GXYLT2: variants seen among roughly 807,000 people sequenced by gnomAD.
GXYLT2 encodes the protein glycosyltransferase 8 domain containing 4.
A neutral mutation model predicts 45.8 loss-of-function variants in GXYLT2; 53 were observed. The observed-to-expected ratio is 1.16, with a 90% CI of 0.93 to 1.46. The LOEUF (loss-of-function observed/expected upper bound fraction) is 1.46, where lower values mean the gene tolerates loss of function less well. Among genes scored for constraint, GXYLT2 ranks in the 40% most tolerant of loss-of-function variants. The pLI, the probability that GXYLT2 is intolerant of heterozygous loss-of-function variation, is 0.00. For missense variants in GXYLT2, 551 were observed against 544.4 expected, an observed-to-expected ratio of 1.01 and a Z score of -0.12; for synonymous variants, 219 against 214.2, an observed-to-expected ratio of 1.02 and a Z score of -0.19.
Position 72,955,326 on chromosome 3 carries a change from C to A in GXYLT2, c.829C>A (p.Arg277=). The change falls in exon 4 of 7, where the codon CGG becomes AGG. Residue 277 remains arginine, a synonymous_variant. Transcript: ENST00000389617. ...AGGAGTCATGTTAATGAATTTAACT[C>A]GGATAAGAAGTACCCAGTTCAAGGT... is the stretch of plus-strand genomic sequence containing the variant. ...NSGVMLMNLT[R]IRSTQFKNSM... is the part of the protein sequence containing the mutation. 1 of 1,613,766 alleles carries A rather than the reference C, an allele frequency of 6.2e-7. No homozygotes were observed. The highest frequency in any genetic ancestry group is 8.5e-7 in the Non-Finnish European group (1 of 1,179,804).
At chr3:72,896,184 G>A (rs971108023) in intron 1 of GXYLT2, among the ~76,000 whole-genome samples, 1 of 152,228 alleles carries the variant, frequency 6.6e-6, no homozygotes, top group Non-Finnish European at 1.5e-5. Flanking sequence ...GGCTTTCTCA[G>A]AAATAAGCTC....
intron 3 of GXYLT2, among the ~76,000 whole-genome samples, chr3:72,946,131 G>C (rs1270536720): frequency 6.6e-6 from 1 of 151,840 alleles, no homozygotes; most frequent in Non-Finnish European, 1.5e-5. Context: ...TTAAAAATTA[G>C]CTAGGCCTGA....
chr3:72,946,833 A>AT (rs1710421230), intron 3 of GXYLT2, among the ~76,000 whole-genome samples: 1 of 151,894 alleles, frequency 6.6e-6, no homozygotes, highest in African/African-American at 2.4e-5. Flanking sequence ...TTTTGTTTTT[A>AT]TTTGTTTAAG....
chr3:72,967,629 T>C lies in GXYLT2; in HGVS notation c.1059T>C (p.His353=). 1 of 1,613,960 alleles carries C rather than the reference T, an allele frequency of 6.2e-7. No homozygotes were observed. Among genetic ancestry groups the C allele is most frequent in the Non-Finnish European group, 8.5e-7 (1 of 1,179,852 alleles). The change falls in exon 6 of 7, where the codon CAT becomes CAC. Residue 353 remains histidine, a synonymous_variant. Coordinates refer to ENST00000389617, the MANE Select transcript of GXYLT2 (RefSeq NM_001080393.2). ...GAAGCAACTGCAGAGAGGCTGAGCATGAAGGTGTGTCTGTTCTGCATGGAA... is the reference window on the plus strand; with the variant it reads ...GAAGCAACTGCAGAGAGGCTGAGCACGAAGGTGTGTCTGTTCTGCATGGAA... ...MYGSNCREAE[H]EGVSVLHGNR...
chr3:72,895,006 T>C (rs1188142072), intron 1 of GXYLT2, among the ~76,000 whole-genome samples: 1 of 152,154 alleles, frequency 6.6e-6, no homozygotes, highest in Non-Finnish European at 1.5e-5. Flanking sequence ...TTCTTCAGCC[T>C]CTTGAACCTG....
At chr3:72,921,166 A>G (rs1438975696) in intron 2 of GXYLT2, among the ~76,000 whole-genome samples, 3 of 150,244 alleles carry the variant, frequency 2.0e-5, no homozygotes, top group East Asian at 1.9e-4. Context: ...TCATTCAGAC[A>G]GTAGTGAAGA....
chr3:72,939,684 C>CT (rs34955124), intron 3 of GXYLT2, among the ~76,000 whole-genome samples: 83,301 of 139,176 alleles, frequency 0.6, 24,728 homozygotes, highest in Admixed American at 0.65. Context: ...CTTTTCTTTC[C>CT]TTTTTTTTTT....
At chr3:72,906,006 T>C (rs895602155) in intron 1 of GXYLT2, among the ~76,000 whole-genome samples, 1 of 152,242 alleles carries the variant, frequency 6.6e-6, no homozygotes, top group Non-Finnish European at 1.5e-5. Flanking sequence ...ATTGCCTTTA[T>C]GGTGTTAGTC....
intron 1 of GXYLT2, among the ~76,000 whole-genome samples, chr3:72,893,499 A>G (rs1709222926): frequency 6.6e-6 from 1 of 151,832 alleles, no homozygotes; most frequent in Admixed American, 6.6e-5. Context: ...TTTTCACAGC[A>G]CTCATTGTGT....
intron 3 of GXYLT2, among the ~76,000 whole-genome samples, chr3:72,923,426 TAAAG>T (rs1006352961): frequency 1.3e-5 from 2 of 151,650 alleles, no homozygotes; most frequent in African/African-American, 2.4e-5. Flanking sequence ...AAAAAGTAAA[TAAAG>T]AAATAAAATT....
chr3:72,903,068 C>G (rs1462511048), intron 1 of GXYLT2, among the ~76,000 whole-genome samples: 1 of 152,082 alleles, frequency 6.6e-6, no homozygotes, highest in African/African-American at 2.4e-5. Context: ...TAAAAAGCAT[C>G]AAGCTGAGAC....
At position 72,922,223 on chromosome 3, in the gene GXYLT2, C is replaced by G. The variant is rs375806431; in HGVS notation, c.488C>G (p.Ser163Ter). 2 of 1,613,560 alleles carry G rather than the reference C, an allele frequency of 1.2e-6. No individual in the cohort carries two copies. Among genetic ancestry groups the G allele is most frequent in the South Asian group, 2.2e-5 (2 of 91,016 alleles). The change falls in exon 3 of 7, where the codon TCA becomes TGA. Residue 163 changes from serine to a stop codon, truncating the protein, a stop_gained. Coordinates refer to ENST00000389617, the MANE Select transcript of GXYLT2 (RefSeq NM_001080393.2). LOFTEE classifies it high-confidence loss of function. The stretch of plus-strand genomic sequence containing the variant: ...TTTCAGTTACGCCAGTGGCCTGACT[C>G]ATATACAAAGAAGTTTGAGCACAGA... ...FDKQLRQWPD[S>*]YTKKFEHRIY...
intron 3 of GXYLT2, among the ~76,000 whole-genome samples, chr3:72,952,742 CTCT>C (rs1710550751): frequency 6.6e-6 from 1 of 152,010 alleles, no homozygotes. Flanking sequence ...TCTCTGGTGT[CTCT>C]TCTTATAAGG....
At chr3:72,910,375 A>T (rs774713396) in intron 2 of GXYLT2, among the ~76,000 whole-genome samples, 2 of 152,036 alleles carry the variant, frequency 1.3e-5, no homozygotes, top group Non-Finnish European at 2.9e-5. Flanking sequence ...TAGACAGAAG[A>T]CTCAAATTCA....
At chr3:72,971,272 T>G (rs2107159890) in intron 6 of GXYLT2, among the ~76,000 whole-genome samples, 1 of 152,318 alleles carries the variant, frequency 6.6e-6, no homozygotes, top group East Asian at 1.9e-4. Flanking sequence ...CACTCCATGA[T>G]TTTCCTCAGT....
chr3:72,960,217 G>T (rs1274997902), intron 5 of GXYLT2, among the ~76,000 whole-genome samples: 1 of 152,096 alleles, frequency 6.6e-6, no homozygotes, highest in Non-Finnish European at 1.5e-5. Context: ...CACCACACCC[G>T]GCCCTTTTCT....
At chr3:72,899,546 G>A (rs539545744) in intron 1 of GXYLT2, among the ~76,000 whole-genome samples, 3 of 152,330 alleles carry the variant, frequency 2.0e-5, no homozygotes, top group African/African-American at 7.2e-5. Flanking sequence ...TGAGCGAAGA[G>A]TCTAATCATG....
rs1294619017 is a variant in GXYLT2, at chr3:72,957,664, TG to T, written c.976+314del. ...AATTGATGTGAGGCGTGAAACTAAA[TG>T]GAAATATTATAATCTAGGCGGGAGA... is the stretch of plus-strand genomic sequence containing the variant. On this transcript the variant is annotated intron_variant, in intron 5 of 6. Coordinates refer to ENST00000389617, the MANE Select transcript of GXYLT2 (RefSeq NM_001080393.2). 7.9e-5 allele frequency among the ~76,000 whole-genome samples: 12 copies of T among 152,182 alleles called. 1 individual carries two copies. Among genetic ancestry groups the T allele is most frequent in the Admixed American group, 6.5e-5 (1 of 15,268 alleles).
chr3:72,946,210 G>A (rs1202358355), intron 3 of GXYLT2, among the ~76,000 whole-genome samples: 1 of 141,900 alleles, frequency 7.0e-6, no homozygotes, highest in Non-Finnish European at 1.5e-5. Context: ...CCAGGAAGTT[G>A]AGGCTGCAGT....
Sources: allele counts gnomAD v4.1 joint callset (sites outside exome capture counted in the v4.1 genomes callset), GRCh38; gene constraint gnomAD v4.1.1; transcripts MANE v1.5; gene names NCBI Gene and HGNC (gene_info 2026-07-23, HGNC 2026-07-21).